The following WDFY1 variants were observed in gnomAD, a reference collection of about 807,000 sequenced individuals.
WDFY1 encodes the protein WD repeat and FYVE domain-containing protein 1.
A neutral mutation model predicts 56.4 loss-of-function variants in WDFY1; 32 were observed. The ratio of observed to expected loss-of-function variants is 0.57; its 90% confidence interval spans 0.43 to 0.76. The LOEUF (loss-of-function observed/expected upper bound fraction) is 0.76, where lower values mean the gene tolerates loss of function less well. Among genes scored for constraint, WDFY1 ranks in the 30% least tolerant of loss-of-function variants. The pLI is 0.00. For missense variants in WDFY1, 480 were observed against 545.7 expected, an observed-to-expected ratio of 0.88 and a Z score of 1.20; for synonymous variants, 192 against 197.3, an observed-to-expected ratio of 0.97 and a Z score of 0.23.
chr2:223,879,768 G>A (rs1016709037), intron 11 of WDFY1, among the ~76,000 whole-genome samples: 1 of 152,126 alleles, frequency 6.6e-6, no homozygotes, highest in Non-Finnish European at 1.5e-5. Flanking sequence ...TACTGAGGAC[G>A]CATTCTGCCC....
chr2:223,901,173 T>C lies in WDFY1; in HGVS notation c.485+10A>G. The C allele has an allele frequency of 6.2e-7, 1 of 1,610,844 alleles. No individual in the cohort carries two copies. Among genetic ancestry groups the C allele is most frequent in the Non-Finnish European group, 8.5e-7 (1 of 1,178,042 alleles). On this transcript the variant is annotated intron_variant, in intron 5 of 11. Transcript: ENST00000233055. ...CAGGGGAAGGAGAGGTCCGTGGCTC[T>C]GAAGGATACTGCAGACACGAAGCCC...
rs567596932 is a variant in WDFY1, at chr2:223,895,949, G to T, written c.599-319C>A. ...AAGGAGGGCGAATCACTTGAAGCCAGGAGTTCAAGACTAGGCCTGGCCAAC... is the reference window on the plus strand; with the variant it reads ...AAGGAGGGCGAATCACTTGAAGCCATGAGTTCAAGACTAGGCCTGGCCAAC... On this transcript the variant is annotated intron_variant, in intron 6 of 11. Coordinates refer to ENST00000233055, the MANE Select transcript of WDFY1 (RefSeq NM_020830.5). Among the ~76,000 whole-genome samples the T allele has an allele frequency of 7.9e-5, 12 of 151,960 alleles. No homozygotes were observed. The South Asian group carries it at 2.3e-3, about 29-fold the overall frequency.
intron 9 of WDFY1, 22 bp from the exon 10 acceptor site, chr2:223,882,094 G>A: frequency 6.2e-7 from 1 of 1,608,330 alleles, no homozygotes; most frequent in Non-Finnish European, 8.5e-7. Context: ...ACCGGGAGGA[G>A]GAAAACAGGG....
chr2:223,888,963 G>T (rs1693221951), intron 8 of WDFY1, among the ~76,000 whole-genome samples: 1 of 145,544 alleles, frequency 6.9e-6, no homozygotes, highest in African/African-American at 2.6e-5. Flanking sequence ...GAATGCAATG[G>T]CGTGATCTTG....
chr2:223,921,101 T>A (rs773599729), intron 1 of WDFY1, among the ~76,000 whole-genome samples: 2 of 152,164 alleles, frequency 1.3e-5, no homozygotes, highest in Non-Finnish European at 2.9e-5. Context: ...TAGGGGAACA[T>A]CAAGGCTCCG....
At chr2:223,897,396 T>TTTAA (rs1156266541) in intron 6 of WDFY1, among the ~76,000 whole-genome samples, 1 of 90,678 alleles carries the variant, frequency 1.1e-5, no homozygotes, top group Non-Finnish European at 2.2e-5. Flanking sequence ...ATATATTTTT[T>TTTAA]AAGACGGAGT....
chr2:223,894,600 T>A, intron 7 of WDFY1: 1 of 461,374 alleles, frequency 2.2e-6, no homozygotes, highest in Non-Finnish European at 4.0e-6. Context: ...TGATGAGGGC[T>A]ATGGTTTTTG....
At chr2:223,944,269 G>A (rs1013097035) in intron 1 of WDFY1, among the ~76,000 whole-genome samples, 2 of 152,250 alleles carry the variant, frequency 1.3e-5, no homozygotes, top group Non-Finnish European at 2.9e-5. Flanking sequence ...GCAGTGACCA[G>A]CCGCCGGTCC....
chr2:223,927,921 G>A (rs551396810), intron 1 of WDFY1, among the ~76,000 whole-genome samples: 122 of 152,240 alleles, frequency 8.0e-4, no homozygotes, highest in African/African-American at 2.8e-3. Context: ...GAGGCCTGGG[G>A]GGAAAGGGGG....
At chr2:223,925,975 T>C (rs149943138) in intron 1 of WDFY1, among the ~76,000 whole-genome samples, 286 of 152,334 alleles carry the variant, frequency 1.9e-3, no homozygotes, top group African/African-American at 6.2e-3. Context: ...AAGTTATCCA[T>C]GAGGGCTGGA....
intron 2 of WDFY1, among the ~76,000 whole-genome samples, chr2:223,913,451 T>C (rs1223320241): frequency 6.6e-6 from 1 of 152,156 alleles, no homozygotes; most frequent in Non-Finnish European, 1.5e-5. Flanking sequence ...ACTGAAATTG[T>C]GCACAAAACA....
chr2:223,925,239 C>T (rs904497851), intron 1 of WDFY1, among the ~76,000 whole-genome samples: 1 of 144,064 alleles, frequency 6.9e-6, no homozygotes, highest in African/African-American at 2.6e-5. Flanking sequence ...AAAAGCATAA[C>T]ACAGAGATTA....
chr2:223,937,496 G>A (rs1019133974), intron 1 of WDFY1, among the ~76,000 whole-genome samples: 16 of 152,238 alleles, frequency 1.1e-4, no homozygotes, highest in Admixed American at 5.2e-4. Context: ...ACTGTTCCAC[G>A]TGGTTTAATT....
intron 7 of WDFY1, 38 bp downstream of exon 7, chr2:223,895,466 C>T (rs372069864): frequency 1.0e-4 from 164 of 1,613,474 alleles, no homozygotes; most frequent in Admixed American, 3.7e-4. Context: ...TCCCCACTAA[C>T]TCGGATTCTT....
chr2:223,924,883 G>T (rs1480334657), intron 1 of WDFY1, among the ~76,000 whole-genome samples: 1 of 151,610 alleles, frequency 6.6e-6, no homozygotes, highest in African/African-American at 2.4e-5. Flanking sequence ...TTGTAAATTA[G>T]AACTATTTGG....
chr2:223,901,128 A>G, intron 5 of WDFY1, 55 bp downstream of exon 5: 1 of 1,568,422 alleles, frequency 6.4e-7, no homozygotes, highest in Non-Finnish European at 8.7e-7. Flanking sequence ...ATTCAGAACC[A>G]AACACTGAGA....
At chr2:223,886,945 C>G (rs1387906211) in intron 8 of WDFY1, among the ~76,000 whole-genome samples, 1 of 152,004 alleles carries the variant, frequency 6.6e-6, no homozygotes, top group Non-Finnish European at 1.5e-5. Context: ...AATATTTCTA[C>G]ATATAACAGA....
intron 6 of WDFY1, among the ~76,000 whole-genome samples, chr2:223,896,852 G>A (rs1055217860): frequency 5.3e-5 from 8 of 152,066 alleles, no homozygotes; most frequent in Admixed American, 1.3e-4. Context: ...TCAGTTAGAG[G>A]CTTAAGAGCA....
At chr2:223,930,262 T>C (rs1050691933) in intron 1 of WDFY1, among the ~76,000 whole-genome samples, 1 of 152,252 alleles carries the variant, frequency 6.6e-6, no homozygotes, top group Non-Finnish European at 1.5e-5. Flanking sequence ...TACTCCTCCC[T>C]GCATCCACGC....
Sources: allele counts gnomAD v4.1 joint callset (sites outside exome capture counted in the v4.1 genomes callset), GRCh38; gene constraint gnomAD v4.1.1; transcripts MANE v1.5; gene names NCBI Gene and HGNC (gene_info 2026-07-23, HGNC 2026-07-21).